SPRED2: variants seen among roughly 807,000 people sequenced by gnomAD.
The protein encoded by SPRED2 is sprouty-related, EVH1 domain-containing protein 2.
Under a neutral mutation model 43.0 loss-of-function variants are expected in SPRED2, and 47 were observed. The observed-to-expected ratio is 1.09, with a 90% CI of 0.87 to 1.40. The LOEUF is 1.40. SPRED2 is among the 40% of genes most tolerant of loss of function. The pLI is 0.00. For missense variants in SPRED2, 561 were observed against 586.4 expected (o/e 0.96, Z 0.45); for synonymous variants, 225 against 225.7 (o/e 1.00, Z 0.03).
Position 65,327,924 on chromosome 2 carries a change from A to G in SPRED2, c.438+4063T>C, listed in dbSNP as rs771266419. On this transcript the variant is annotated intron_variant, in intron 4 of 5. Coordinates refer to ENST00000356388, the MANE Select transcript of SPRED2 (RefSeq NM_181784.3). Reference sequence around the variant, plus strand: ...TTTTTAGTAGAGATGGGGTTTCACCATGTTGGCCAGGCTGGTCTTGAATTG... The same window carrying G: ...TTTTTAGTAGAGATGGGGTTTCACCGTGTTGGCCAGGCTGGTCTTGAATTG... 1.2e-3 allele frequency among the ~76,000 whole-genome samples: 177 copies of G among 151,644 alleles called. 1 individual carries two copies. Among genetic ancestry groups the G allele is most frequent in the South Asian group, 1.7e-3 (8 of 4,796 alleles).
Position 65,311,262 on chromosome 2 carries a change from C to A in SPRED2, c.*2239G>T, listed in dbSNP as rs890684513. ...TCAGCTGCAGTGTGGCAATTAGAGA[C>A]GTATTTACATAAATGTCCCCATGGC... On this transcript the variant is annotated 3_prime_UTR_variant, in exon 6 of 6. Transcript: ENST00000356388. The A allele has an allele frequency of 6.1e-6, 6 of 985,704 alleles. No individual in the cohort carries two copies. Among genetic ancestry groups the A allele is most frequent in the Non-Finnish European group, 7.2e-6 (6 of 829,948 alleles). The allele number at this position is 985,704 out of a possible 1,614,324, so 61.1% of individuals were successfully genotyped here.
In SPRED2 at chr2:65,313,836, G is replaced by A. The variant is rs371327594; in HGVS notation, c.922C>T (p.Arg308Trp). Reference protein sequence around the residue: ...RRRKEDGERSRCVYCRDMFNH... With the variant: ...RRRKEDGERSWCVYCRDMFNH... ...AACATGTCCCTGCAGTACACGCACC[G>A]CGAGCGCTCTCCGTCCTCCTTCCGC... is the stretch of plus-strand genomic sequence containing the variant. The change falls in exon 6 of 6, where the codon CGG becomes TGG. Residue 308 changes from arginine (R) to tryptophan (W), a missense_variant. Physicochemically the swap from Arg to Trp is moderately radical, Grantham distance 101 (BLOSUM62 -3). This residue lies in a region of SPRED2 where 164 missense variants were observed against 164.1 expected (regional missense o/e 1.00). Coordinates refer to ENST00000356388, the MANE Select transcript of SPRED2 (RefSeq NM_181784.3). The A allele has an allele frequency of 3.7e-6, 6 of 1,612,566 alleles. No individual in the cohort carries two copies. Among genetic ancestry groups the A allele is most frequent in the African/African-American group, 1.3e-5 (1 of 75,052 alleles).
Position 65,422,077 on chromosome 2 carries a change from AAC to A in SPRED2, c.26+9883_26+9884del, listed in dbSNP as rs367817858. The stretch of plus-strand genomic sequence containing the variant: ...TGAATGTGTACGTGCTTGTATGTAC[AAC>A]ACACACACACACACACACACACACA... On this transcript the variant is annotated intron_variant, in intron 1 of 5. Transcript: ENST00000356388. 3.3e-3 allele frequency among the ~76,000 whole-genome samples: 417 copies of A among 127,724 alleles called. 2 individuals are homozygous for A. Among genetic ancestry groups the A allele is most frequent in the Middle Eastern group, 0.018 (4 of 224 alleles). The allele number at this position is 127,724 out of a possible 152,430, so 83.8% of individuals were successfully genotyped here.
chr2:65,368,169 G>A (rs1257597481), intron 1 of SPRED2, among the ~76,000 whole-genome samples: 1 of 152,186 alleles, frequency 6.6e-6, no homozygotes, highest in African/African-American at 2.4e-5. Flanking sequence ...GTTTCAGGCT[G>A]AGGTTCACAC....
intron 1 of SPRED2, among the ~76,000 whole-genome samples, chr2:65,420,235 G>GAAAAAAAAAAAAA (rs1558692335): frequency 7.0e-6 from 1 of 141,990 alleles, no homozygotes; most frequent in Non-Finnish European, 1.5e-5. Flanking sequence ...AAAAAAAAAG[G>GAAAAAAAAAAAAA]AAAAATATGA....
chr2:65,346,553 C>A (rs1379886403), intron 1 of SPRED2, among the ~76,000 whole-genome samples: 2 of 152,246 alleles, frequency 1.3e-5, no homozygotes, highest in East Asian at 3.9e-4. Flanking sequence ...TGGCACCCAC[C>A]ATTCTACTGT....
At chr2:65,357,190 T>C (rs1441683261) in intron 1 of SPRED2, among the ~76,000 whole-genome samples, 1 of 152,158 alleles carries the variant, frequency 6.6e-6, no homozygotes, top group East Asian at 1.9e-4. Context: ...ATTTAGTTCC[T>C]TTTTTTCTAG....
At chr2:65,326,520 C>T (rs1459362994) in intron 4 of SPRED2, among the ~76,000 whole-genome samples, 2 of 152,124 alleles carry the variant, frequency 1.3e-5, no homozygotes, top group Admixed American at 1.3e-4. Context: ...TTTCACAATC[C>T]CAGCTAGCAG....
chr2:65,334,553 A>G, intron 3 of SPRED2, 52 bp downstream of exon 3: 1 of 1,587,282 alleles, frequency 6.3e-7, no homozygotes, highest in Non-Finnish European at 8.6e-7. Context: ...AATTAAAAAT[A>G]ATTTGGAACA....
intron 1 of SPRED2, among the ~76,000 whole-genome samples, chr2:65,428,107 G>A (rs1456684256): frequency 6.6e-6 from 1 of 152,186 alleles, no homozygotes; most frequent in Non-Finnish European, 1.5e-5. Flanking sequence ...TCTTCACAGG[G>A]TTATCTGAAA....
At chr2:65,314,563 C>T (rs984222340) in intron 5 of SPRED2, among the ~76,000 whole-genome samples, 1 of 152,194 alleles carries the variant, frequency 6.6e-6, no homozygotes, top group Non-Finnish European at 1.5e-5. Context: ...GTATCTTCCG[C>T]CTCCCTCAGG....
In SPRED2 at chr2:65,384,975, C is replaced by CTTTTT. The variant is rs35418849; in HGVS notation, c.27-40084_27-40080dup. Among the ~76,000 whole-genome samples the CTTTTT allele has an allele frequency of 6.4e-5, 9 of 139,812 alleles. No individual in the cohort carries two copies. The South Asian group carries it at 6.8e-4, about 11-fold the overall frequency. 91.7% of individuals were successfully genotyped at this position (139,812 alleles called of 152,430 possible). ...CTAGAAATTTTGCTTTCCACTTCTT[C>CTTTTT]TTTTTTTTTTTTTTTGAGACGGACT... On this transcript the variant is annotated intron_variant, in intron 1 of 5. Transcript: ENST00000356388.
At chr2:65,320,578 G>C (rs1170720417) in intron 4 of SPRED2, among the ~76,000 whole-genome samples, 1 of 152,178 alleles carries the variant, frequency 6.6e-6, no homozygotes, top group African/African-American at 2.4e-5. Flanking sequence ...GACCTCGAGA[G>C]GCATGTCCAC....
rs199737796 is a variant in SPRED2, at chr2:65,313,815, T to G, written c.943A>C (p.Met315Leu). The G allele has an allele frequency of 1.6e-4, 261 of 1,613,678 alleles. No homozygotes were observed. The highest frequency in any genetic ancestry group is 2.0e-4 in the Non-Finnish European group (241 of 1,180,034). ...ERSRCVYCRD[M>L]FNHEENRRGH... Reference sequence around the variant, plus strand: ...CGGCGGTTCTCCTCGTGGTTGAACATGTCCCTGCAGTACACGCACCGCGAG... The same window carrying G: ...CGGCGGTTCTCCTCGTGGTTGAACAGGTCCCTGCAGTACACGCACCGCGAG... Residue 315 changes from methionine (M) to leucine (L), a missense_variant, in exon 6 of 6, where the codon ATG becomes CTG. Met to Leu is a conservative substitution (Grantham distance 15, BLOSUM62 2). Coordinates refer to ENST00000356388, the MANE Select transcript of SPRED2 (RefSeq NM_181784.3).
chr2:65,334,168 C>T (rs1267003367), intron 3 of SPRED2: 1 of 471,196 alleles, frequency 2.1e-6, no homozygotes, highest in Non-Finnish European at 4.4e-6. Flanking sequence ...AGATCCCTTT[C>T]CTTTTCAGTG....
At chr2:65,421,501 C>T (rs1676421065) in intron 1 of SPRED2, among the ~76,000 whole-genome samples, 1 of 152,180 alleles carries the variant, frequency 6.6e-6, no homozygotes, top group Non-Finnish European at 1.5e-5. Context: ...TATGTAAGCT[C>T]AGGTTTGAGA....
intron 2 of SPRED2, among the ~76,000 whole-genome samples, chr2:65,338,919 T>C (rs1674073922): frequency 6.6e-6 from 1 of 151,804 alleles, no homozygotes. Context: ...CAGCCCATCG[T>C]CTGAGATGTG....
chr2:65,375,618 T>C (rs1334661489), intron 1 of SPRED2, among the ~76,000 whole-genome samples: 2 of 152,328 alleles, frequency 1.3e-5, no homozygotes, highest in South Asian at 2.1e-4. Context: ...GCTCTACCTA[T>C]TTTGTAGGTA....
chr2:65,341,809 G>A (rs1414051498), intron 2 of SPRED2, among the ~76,000 whole-genome samples: 2 of 152,022 alleles, frequency 1.3e-5, no homozygotes, highest in East Asian at 3.9e-4. Context: ...AGAAATACCA[G>A]GAAAAAGTAG....
Sources: gnomAD v4.1 joint callset for allele counts (sites outside exome capture counted in the v4.1 genomes callset) on GRCh38, gnomAD v4.1.1 for gene constraint, gnomAD v4.1.1 regional missense constraint, MANE v1.5 for transcripts, NCBI Gene and HGNC (gene_info 2026-07-23, HGNC 2026-07-21) for gene names.